Variants in HERC4 observed in about 807,000 individuals in gnomAD.
HERC4 encodes the protein probable E3 ubiquitin-protein ligase HERC4.
In HERC4, 28 loss-of-function variants were observed where a neutral mutation model predicts 124.3. The observed-to-expected ratio is 0.23, with a 90% CI of 0.17 to 0.31. The LOEUF (loss-of-function observed/expected upper bound fraction) is 0.31, where lower values mean the gene tolerates loss of function less well. Among genes scored for constraint, HERC4 ranks in the 10% least tolerant of loss-of-function variants. HERC4 has a pLI of 1.00. For synonymous variants in HERC4, 407 were observed against 421.5 expected (o/e 0.97, Z 0.42); for missense variants, 713 against 1,229.3 (o/e 0.58, Z 6.28).
chr10:67,959,621 G>T (rs1297616496), intron 16 of HERC4, among the ~76,000 whole-genome samples: 3 of 151,842 alleles, frequency 2.0e-5, no homozygotes, highest in Non-Finnish European at 2.9e-5. Flanking sequence ...GCCATAAATT[G>T]TTTTTATTTG....
chr10:68,010,510 G>T, intron 9 of HERC4: 1 of 956,006 alleles, frequency 1.0e-6, no homozygotes, highest in Non-Finnish European at 1.6e-6. Flanking sequence ...TGGGCAATGT[G>T]ACTGATCTGC....
chr10:67,936,512 G>C (rs763972365), intron 21 of HERC4, among the ~76,000 whole-genome samples: 2 of 152,124 alleles, frequency 1.3e-5, no homozygotes, highest in African/African-American at 2.4e-5. Context: ...CTTTAGAATT[G>C]TTACTATAAA....
intron 19 of HERC4, among the ~76,000 whole-genome samples, chr10:67,953,957 C>A (rs548806368): frequency 9.8e-5 from 15 of 152,296 alleles, no homozygotes; most frequent in African/African-American, 3.4e-4. Context: ...GAGGTTTTTA[C>A]AACCAATAGC....
At chr10:67,992,738 C>T in intron 9 of HERC4, 56 bp from the exon 10 acceptor site, 1 of 816,324 alleles carries the variant, frequency 1.2e-6, no homozygotes, top group Middle Eastern at 3.4e-4. Context: ...TATTTCAGAG[C>T]ATCAATATGC....
chr10:68,020,101 T>C (rs2038518882), intron 8 of HERC4, among the ~76,000 whole-genome samples: 1 of 152,202 alleles, frequency 6.6e-6, no homozygotes, highest in African/African-American at 2.4e-5. Context: ...GGGAAAGGTA[T>C]AGGCTAAGAA....
intron 23 of HERC4, among the ~76,000 whole-genome samples, chr10:67,931,125 T>C (rs184285296): frequency 3.6e-4 from 54 of 151,584 alleles, no homozygotes; most frequent in African/African-American, 1.2e-3. Context: ...GTTGGGACTA[T>C]AGGCGTGCGA....
chr10:68,060,471 C>A (rs933799314), intron 3 of HERC4, among the ~76,000 whole-genome samples: 6 of 152,234 alleles, frequency 3.9e-5, no homozygotes, highest in Admixed American at 6.5e-5. Flanking sequence ...AAACTCCTGA[C>A]CTTGTGATCC....
chr10:68,040,352 T>C, intron 4 of HERC4: 1 of 949,454 alleles, frequency 1.1e-6, no homozygotes. Flanking sequence ...TTCATATAAA[T>C]GTATTAATAC....
chr10:67,973,368 C>T (rs557141848), intron 15 of HERC4, among the ~76,000 whole-genome samples: 34 of 152,276 alleles, frequency 2.2e-4, no homozygotes, highest in Middle Eastern at 3.4e-3. Flanking sequence ...TGACCTCAAC[C>T]GTCTCTAGGT....
intron 15 of HERC4, among the ~76,000 whole-genome samples, chr10:67,974,073 TACACACACAC>T (rs57454971): frequency 0.12 from 11,652 of 95,894 alleles, 1,305 homozygotes; most frequent in South Asian, 0.28. Flanking sequence ...AAAATTACTG[TACACACACAC>T]ACACACACAC....
intron 19 of HERC4, among the ~76,000 whole-genome samples, chr10:67,953,754 T>C (rs771848001): frequency 1.3e-5 from 2 of 152,214 alleles, no homozygotes; most frequent in Non-Finnish European, 2.9e-5. Context: ...TCCTTTCCTA[T>C]GAATTGCACT....
chr10:67,937,000 T>C (rs1243472291), intron 21 of HERC4, among the ~76,000 whole-genome samples: 2 of 152,058 alleles, frequency 1.3e-5, no homozygotes, highest in Non-Finnish European at 2.9e-5. Flanking sequence ...TATCAGATCA[T>C]AGAGGAATGC....
chr10:67,940,834 C>T, intron 20 of HERC4, 105 bp downstream of exon 20: 1 of 995,680 alleles, frequency 1.0e-6, no homozygotes, highest in Non-Finnish European at 1.5e-6. Context: ...AGAAATTTAA[C>T]AAGAAGAACA....
intron 15 of HERC4, among the ~76,000 whole-genome samples, chr10:67,971,202 T>C (rs1250057767): frequency 1.3e-5 from 2 of 152,094 alleles, no homozygotes; most frequent in African/African-American, 4.8e-5. Flanking sequence ...ACTGATGAAT[T>C]ATATCAAACA....
At chr10:68,026,499 G>T (rs2038908859) in intron 7 of HERC4, among the ~76,000 whole-genome samples, 1 of 152,056 alleles carries the variant, frequency 6.6e-6, no homozygotes, top group Non-Finnish European at 1.5e-5. Flanking sequence ...TTGAGCTCAA[G>T]AGTTTGAGAC....
Position 67,956,912 on chromosome 10 carries a change from G to A in HERC4, c.1991C>T (p.Thr664Ile). The A allele has an allele frequency of 1.2e-6, 2 of 1,602,124 alleles. No individual in the cohort carries two copies. The highest frequency in any genetic ancestry group is 1.7e-6 in the Non-Finnish European group (2 of 1,175,280). The change falls in exon 17 of 25, where the codon ACT (threonine) becomes ATT (isoleucine). Residue 664 changes from threonine to isoleucine, a missense_variant. Transcript: ENST00000373700. The stretch of plus-strand genomic sequence containing the variant: ...TAAGACTGCATCGGTCTGTAACAGA[G>A]TAGTTTTTGCTTGGGCATCAAATAC... ...PFVFDAQAKTTLLQTDAVLQM... is the reference protein window; with the variant it reads ...PFVFDAQAKTILLQTDAVLQM...
intron 15 of HERC4, among the ~76,000 whole-genome samples, chr10:67,977,001 A>T (rs2035631678): frequency 6.6e-6 from 1 of 152,214 alleles, no homozygotes; most frequent in South Asian, 2.1e-4. Context: ...CTACTAGGTG[A>T]GTCCAAGTGC....
chr10:68,019,772 T>C (rs2038496616), intron 8 of HERC4, among the ~76,000 whole-genome samples: 1 of 152,180 alleles, frequency 6.6e-6, no homozygotes, highest in Non-Finnish European at 1.5e-5. Context: ...GAGCAGCCTG[T>C]ATGCAACTTG....
intron 6 of HERC4, 113 bp downstream of exon 6, chr10:68,033,852 C>A: frequency 1.3e-6 from 1 of 793,016 alleles, no homozygotes; most frequent in Non-Finnish European, 2.0e-6. Flanking sequence ...ATCTCATCCC[C>A]ACCTCTATAC....
Sources: allele counts gnomAD v4.1 joint callset (sites outside exome capture counted in the v4.1 genomes callset), GRCh38; gene constraint gnomAD v4.1.1; transcripts MANE v1.5; gene names NCBI Gene and HGNC (gene_info 2026-07-23, HGNC 2026-07-21).